The following PHTF1 variants were observed in gnomAD, a reference collection of about 807,000 sequenced individuals.
PHTF1 encodes the protein putative homeodomain transcription factor 1.
In PHTF1, 88 loss-of-function variants were observed where a neutral mutation model predicts 102.4. The ratio of observed to expected loss-of-function variants is 0.86; its 90% CI spans 0.72 to 1.03. The LOEUF (loss-of-function observed/expected upper bound fraction) is 1.03. Ranked by LOEUF, PHTF1 falls within the 50% of genes least tolerant of loss-of-function variation. PHTF1 has a pLI of 0.00. For synonymous variants in PHTF1, 289 were observed against 305.2 expected (o/e 0.95, Z 0.55); for missense variants, 814 against 909.5 (o/e 0.89, Z 1.35).
chr1:113,704,626 A>C, intron 14 of PHTF1, 40 bp downstream of exon 14: 1 of 1,474,104 alleles, frequency 6.8e-7, no homozygotes, highest in Non-Finnish European at 9.2e-7. Context: ...CAGTGAGCAT[A>C]TTCTTGCACA....
chr1:113,759,185 C>G lies in PHTF1; in HGVS notation c.-193G>C. 1.4e-6 allele frequency: 1 copy of G among 729,448 alleles called. No individual in the cohort carries two copies. The highest frequency in any genetic ancestry group is 1.7e-6 in the Non-Finnish European group (1 of 595,266). 45.2% of individuals were successfully genotyped at this position (729,448 alleles called of 1,614,324 possible). On this transcript the variant is annotated 5_prime_UTR_variant, in exon 1 of 19. Transcript: ENST00000369604. The stretch of plus-strand genomic sequence containing the variant: ...TTACCATGGAGACCGCGGAGGCCGC[C>G]CCAGCTTCGGAGGCAGCCGGCCGCC...
In PHTF1 at chr1:113,724,902, A is replaced by C; in HGVS notation, c.489-9T>G. ...CAGTTTTTCGTAATTTTCTACAAAA[A>C]AAAATTTCAATAACTTCAGATTATT... is the stretch of plus-strand genomic sequence containing the variant. On this transcript the variant is annotated splice_polypyrimidine_tract_variant and intron_variant, in intron 6 of 18. Transcript: ENST00000369604. 3 of 1,584,094 alleles carry C rather than the reference A, an allele frequency of 1.9e-6. No homozygotes were observed. Among genetic ancestry groups the C allele is most frequent in the Non-Finnish European group, 2.6e-6 (3 of 1,167,336 alleles).
chr1:113,748,468 C>T (rs1449068117), intron 3 of PHTF1, among the ~76,000 whole-genome samples: 1 of 152,100 alleles, frequency 6.6e-6, no homozygotes, highest in Non-Finnish European at 1.5e-5. Flanking sequence ...TTTTATACTA[C>T]TTTTCTGGGA....
In PHTF1 at chr1:113,733,060, A is replaced by ATTTTTTT. The variant is rs386368123; in HGVS notation, c.331+5043_331+5049dup. ...TACAGGCTTGCACCACGCCTGGCTAATTTTTTTTTTTTTTTTTTTTTTTTT... is the reference window on the plus strand; with the variant it reads ...TACAGGCTTGCACCACGCCTGGCTAATTTTTTTTTTTTTTTTTTTTTTTTTTTTTTTT... On this transcript the variant is annotated intron_variant, in intron 5 of 18. Coordinates refer to ENST00000369604, the MANE Select transcript of PHTF1 (RefSeq NM_001323043.2). Among the ~76,000 whole-genome samples, 348 of 84,158 alleles carry ATTTTTTT rather than the reference A, an allele frequency of 4.1e-3. 8 individuals are homozygous for ATTTTTTT. Among genetic ancestry groups the ATTTTTTT allele is most frequent in the African/African-American group, 7.5e-3 (147 of 19,680 alleles). 55.2% of individuals were successfully genotyped at this position (84,158 alleles called of 152,430 possible).
In PHTF1 at chr1:113,710,254, C is replaced by A. The variant is rs1190010494; in HGVS notation, c.1269G>T (p.Gln423His). Residue 423 changes from glutamine to histidine, a missense_variant and splice_region_variant, in exon 11 of 19, where the codon CAG (glutamine) becomes CAT (histidine). Gln to His is a conservative substitution (Grantham distance 24). Coordinates refer to ENST00000369604, the MANE Select transcript of PHTF1 (RefSeq NM_001323043.2). ...CTATTCTTATCATGTCTGCACAGAC[C>A]TGCTGAAAAACATCCTCTTTGGGGT... ...KRDPKEDVFQ[Q>H]NHLFWLQNSS... 6.2e-7 allele frequency: 1 copy of A among 1,608,192 alleles called. No homozygotes were observed.
chr1:113,718,493 C>T lies in PHTF1; in HGVS notation c.624-5055G>A, dbSNP rs564094629. On this transcript the variant is annotated intron_variant, in intron 7 of 18. Coordinates refer to ENST00000369604, the MANE Select transcript of PHTF1 (RefSeq NM_001323043.2). Reference sequence around the variant, plus strand: ...CCACTAGGTGGTGCCCCAGTAGGGACGCTGTGTGGGGGCTCCGACCCCACC... The same window carrying T: ...CCACTAGGTGGTGCCCCAGTAGGGATGCTGTGTGGGGGCTCCGACCCCACC... 1.4e-3 allele frequency among the ~76,000 whole-genome samples: 217 copies of T among 152,338 alleles called. 1 individual carries two copies. The highest frequency in any genetic ancestry group is 3.4e-3 in the African/African-American group (142 of 41,576).
At chr1:113,706,494 A>G in intron 12 of PHTF1, 100 bp downstream of exon 12, 1 of 843,776 alleles carries the variant, frequency 1.2e-6, no homozygotes, top group East Asian at 2.7e-5. Context: ...GTGCTTCAAA[A>G]GCAGAGTCAT....
intron 5 of PHTF1, among the ~76,000 whole-genome samples, chr1:113,731,944 G>A (rs1378393676): frequency 6.7e-6 from 1 of 149,336 alleles, no homozygotes; most frequent in Non-Finnish European, 1.5e-5. Context: ...AGTAAAAGGA[G>A]AGCAATATCA....
intron 12 of PHTF1, 120 bp from the exon 13 acceptor site, chr1:113,706,282 A>G: frequency 1.1e-6 from 1 of 891,814 alleles, no homozygotes; most frequent in South Asian, 1.9e-5. Context: ...AATACAAATG[A>G]CATACAGATT....
At chr1:113,717,989 TC>T (rs1361601375) in intron 7 of PHTF1, among the ~76,000 whole-genome samples, 2 of 151,652 alleles carry the variant, frequency 1.3e-5, no homozygotes, top group Non-Finnish European at 2.9e-5. Flanking sequence ...TTCCCAATAC[TC>T]CCCCAAAGTC....
intron 14 of PHTF1, among the ~76,000 whole-genome samples, 194 bp from the exon 15 acceptor site, chr1:113,704,361 T>C (rs1290035648): frequency 6.6e-6 from 1 of 152,166 alleles, no homozygotes; most frequent in African/African-American, 2.4e-5. Flanking sequence ...AAATTAAGGG[T>C]GACTGATTCA....
chr1:113,713,557 A>AT, intron 7 of PHTF1, 119 bp from the exon 8 acceptor site: 1 of 636,940 alleles, frequency 1.6e-6, no homozygotes, highest in Non-Finnish European at 2.7e-6. Context: ...CAGGAATCAT[A>AT]TTTTTCAGGA....
intron 3 of PHTF1, among the ~76,000 whole-genome samples, chr1:113,754,136 C>T (rs1023935629): frequency 6.6e-6 from 1 of 152,146 alleles, no homozygotes; most frequent in Non-Finnish European, 1.5e-5. Flanking sequence ...TATGGCTGGG[C>T]AGAGCGTCTC....
chr1:113,752,078 G>A (rs550637375), intron 3 of PHTF1, among the ~76,000 whole-genome samples: 2 of 152,248 alleles, frequency 1.3e-5, no homozygotes, highest in East Asian at 1.9e-4. Flanking sequence ...GGATTACATT[G>A]AATATATAGA....
In PHTF1 at chr1:113,706,706, A is replaced by G. The variant is rs1467239285; in HGVS notation, c.1286T>C (p.Leu429Pro). The G allele has an allele frequency of 6.2e-7, 1 of 1,604,382 alleles. No homozygotes were observed. The highest frequency in any genetic ancestry group is 8.5e-7 in the Non-Finnish European group (1 of 1,174,994). The change falls in exon 12 of 19, where the codon CTT (leucine) becomes CCT (proline). Residue 429 changes from leucine (L) to proline (P), a missense_variant. Leu to Pro is a moderately conservative substitution (Grantham distance 98). Coordinates refer to ENST00000369604, the MANE Select transcript of PHTF1 (RefSeq NM_001323043.2). ...ATCAGAGGAAGGACTTGAATTCTGA[A>G]GCCAGAATAAATGATTCTGAGAAGA... ...DVFQQNHLFW[L>P]QNSSPSSDRV...
At chr1:113,713,173 C>T (rs1651412855) in intron 8 of PHTF1, 106 bp downstream of exon 8, 5 of 998,354 alleles carry the variant, frequency 5.0e-6, no homozygotes, top group Non-Finnish European at 7.7e-6. Flanking sequence ...CTTGTTAGGA[C>T]AAATTTATAA....
At position 113,726,567 on chromosome 1, in the gene PHTF1, T is replaced by C. The variant is rs371219060; in HGVS notation, c.339A>G (p.Ala113=). ...TAGGCATCATCAAATATAAGACAATTGCTATAACTGAAAAGAAGAGGTTTT... is the reference window on the plus strand; with the variant it reads ...TAGGCATCATCAAATATAAGACAATCGCTATAACTGAAAAGAAGAGGTTTT... The part of the protein sequence containing the change: ...LLLLYFMQVI[A]IVLYLMMPIV... Residue 113 remains alanine (A), a synonymous_variant, in exon 6 of 19, where the codon GCA becomes GCG. Transcript: ENST00000369604. 1.1e-4 allele frequency: 168 copies of C among 1,567,702 alleles called. No homozygotes were observed. The Middle Eastern group carries it at 1.7e-3, about 16-fold the overall frequency.
chr1:113,715,992 C>A (rs1347550542), intron 7 of PHTF1, among the ~76,000 whole-genome samples: 2 of 151,964 alleles, frequency 1.3e-5, no homozygotes, highest in Non-Finnish European at 2.9e-5. Context: ...AACAGCAAAT[C>A]TAAGAGTTAC....
At chr1:113,703,883 T>A (rs1649717816) in intron 15 of PHTF1, 198 bp downstream of exon 15, 1 of 518,234 alleles carries the variant, frequency 1.9e-6, no homozygotes, top group Non-Finnish European at 3.5e-6. Context: ...ATTAGAGCGA[T>A]CTTACAGTTT....
Sources: gnomAD v4.1 joint callset for allele counts (sites outside exome capture counted in the v4.1 genomes callset) on GRCh38, gnomAD v4.1.1 for gene constraint, MANE v1.5 for transcripts, NCBI Gene and HGNC (gene_info 2026-07-23, HGNC 2026-07-21) for gene names.